Variants in PNISR observed in about 807,000 individuals in gnomAD.
PNISR encodes arginine/serine-rich protein PNISR.
A neutral mutation model predicts 93.4 loss-of-function variants in PNISR; 20 were observed. That is an observed-to-expected ratio of 0.21 (90% CI 0.15 to 0.31). PNISR has a LOEUF of 0.31. Ranked by LOEUF, PNISR falls within the 10% of genes least tolerant of loss-of-function variation. The probability of loss-of-function intolerance (pLI) is 1.00; values close to 1 mark genes in which losing one functional copy is unlikely to be tolerated. For missense variants in PNISR, 893 were observed against 985.4 expected (o/e 0.91, Z 1.25); for synonymous variants, 305 against 306.5 (o/e 0.99, Z 0.05).
chr6:99,404,106 G>T, intron 9 of PNISR: 1 of 511,372 alleles, frequency 2.0e-6, no homozygotes, highest in South Asian at 2.7e-5. Flanking sequence ...AATGTTGACA[G>T]GTATATCTGT....
rs759539357 is a variant in PNISR, at chr6:99,400,465, G to A, written c.*75C>T. ...AAACTGAGTTTATTAAAGAGAGAGA[G>A]AAAGGACACTTTCAACTTTGAATAA... On this transcript the variant is annotated 3_prime_UTR_variant, in exon 12 of 12. Transcript: ENST00000369239. The A allele has an allele frequency of 6.6e-7, 1 of 1,522,618 alleles. No individual in the cohort carries two copies. The highest frequency in any genetic ancestry group is 8.8e-7 in the Non-Finnish European group (1 of 1,139,940). 94.3% of individuals were successfully genotyped at this position (1,522,618 alleles called of 1,614,324 possible). A position where few individuals can be genotyped will look rare whatever the true frequency, so the allele number is the denominator to read the frequency against.
intron 3 of PNISR, among the ~76,000 whole-genome samples, chr6:99,414,302 C>T (rs190848828): frequency 1.7e-3 from 262 of 152,290 alleles, no homozygotes; most frequent in African/African-American, 6.1e-3. Context: ...ATATTTTAGG[C>T]TTTTCTCTTT....
chr6:99,401,108 C>G lies in PNISR; in HGVS notation c.1850G>C (p.Arg617Pro). The G allele has an allele frequency of 6.2e-7, 1 of 1,613,828 alleles. No homozygotes were observed. The highest frequency in any genetic ancestry group is 8.5e-7 in the Non-Finnish European group (1 of 1,179,986). ...ATCCCTTGAGCGACTTCTACTTCTA[C>G]GTCTCTCTCGGGAAGGACTCCGATT... is the stretch of plus-strand genomic sequence containing the variant. ...RRNRSPSRER[R>P]RSRSRSRDRR... Residue 617 changes from arginine (R) to proline (P), a missense_variant, in exon 12 of 12, where the codon CGT (arginine) becomes CCT (proline). Coordinates refer to ENST00000369239, the MANE Select transcript of PNISR (RefSeq NM_032870.4).
intron 2 of PNISR, 62 bp from the exon 3 acceptor site, chr6:99,414,752 T>A (rs1777439821): frequency 1.5e-6 from 1 of 678,444 alleles, no homozygotes; most frequent in African/African-American, 1.9e-5. Context: ...AAACCTCACA[T>A]CAGAAATTAT....
intron 7 of PNISR, among the ~76,000 whole-genome samples, chr6:99,406,387 T>C (rs994506149): frequency 3.9e-5 from 6 of 152,110 alleles, no homozygotes; most frequent in Admixed American, 1.3e-4. Flanking sequence ...GGAAAATAAA[T>C]TGTTTTTTCA....
intron 5 of PNISR, chr6:99,410,525 G>T (rs138696195): frequency 4.5e-4 from 229 of 504,528 alleles, no homozygotes; most frequent in African/African-American, 4.3e-3. Context: ...AAAGTTTTCC[G>T]TAATGATCTT....
Position 99,400,698 on chromosome 6 carries a change from A to G in PNISR, c.2260T>C (p.Ser754Pro), listed in dbSNP as rs1775350270. The G allele has an allele frequency of 6.2e-7, 1 of 1,613,356 alleles. No individual in the cohort carries two copies. The highest frequency in any genetic ancestry group is 8.5e-7 in the Non-Finnish European group (1 of 1,179,828). The change falls in exon 12 of 12, where the codon TCT (serine) becomes CCT (proline). Residue 754 changes from serine to proline, a missense_variant. Ser to Pro is a moderately conservative substitution (Grantham distance 74, BLOSUM62 -1). Around this residue, in one of 3 missense-constraint regions of PNISR, gnomAD observed 866 missense variants for 935.1 expected, o/e 0.93. Coordinates refer to ENST00000369239, the MANE Select transcript of PNISR (RefSeq NM_032870.4). Reference protein sequence around the residue: ...TTKDSKKHSGSDSSGRSSSES... With the variant: ...TTKDSKKHSGPDSSGRSSSES... ...GAACTGCTCCTTCCACTAGAATCAG[A>G]GCCTGAATGTTTTTTACTATCTTTG...
At chr6:99,422,294 T>A (rs893854425) in intron 1 of PNISR, among the ~76,000 whole-genome samples, 3 of 152,200 alleles carry the variant, frequency 2.0e-5, no homozygotes, top group Admixed American at 1.3e-4. Context: ...GAAACACATC[T>A]ATCATTTGAT....
At chr6:99,416,146 T>C (rs950929745) in intron 2 of PNISR, 17 of 360,732 alleles carry the variant, frequency 4.7e-5, no homozygotes, top group Non-Finnish European at 8.4e-5. Context: ...AAGTTAAATA[T>C]ATTTTTTTCT....
Position 99,404,643 on chromosome 6 carries a change from A to G in PNISR, c.1062T>C (p.Ile354=), listed in dbSNP as rs751453063. The G allele has an allele frequency of 1.2e-6, 2 of 1,608,254 alleles. No individual in the cohort carries two copies. Among genetic ancestry groups the G allele is most frequent in the Non-Finnish European group, 1.7e-6 (2 of 1,174,696 alleles). Residue 354 remains isoleucine, a synonymous_variant, in exon 9 of 12, where the codon ATT becomes ATC. Transcript: ENST00000369239. ...EILLDVTDEE[I]YYVAKDAHRK... is the part of the protein sequence containing the mutation. Reference sequence around the variant, plus strand: ...GGTGTGCATCTTTGGCTACGTAATAAATTTCTTCATCTGTGACATCCAGCA... The same window carrying G: ...GGTGTGCATCTTTGGCTACGTAATAGATTTCTTCATCTGTGACATCCAGCA...
At chr6:99,420,558 T>C (rs913091807) in intron 1 of PNISR, among the ~76,000 whole-genome samples, 3 of 152,214 alleles carry the variant, frequency 2.0e-5, no homozygotes, top group Admixed American at 1.3e-4. Flanking sequence ...GTATCTTCAC[T>C]ACTAACAAAT....
intron 5 of PNISR, 76 bp from the exon 6 acceptor site, chr6:99,409,420 T>C (rs888691584): frequency 3.0e-6 from 4 of 1,329,032 alleles, no homozygotes; most frequent in African/African-American, 1.5e-5. Flanking sequence ...TGTTATGAAC[T>C]GGGACAGTAG....
At chr6:99,419,425 G>C (rs1023529922) in intron 1 of PNISR, among the ~76,000 whole-genome samples, 1 of 152,042 alleles carries the variant, frequency 6.6e-6, no homozygotes, top group Non-Finnish European at 1.5e-5. Flanking sequence ...AAATGAATAA[G>C]GTAGACTGCT....
intron 7 of PNISR, 51 bp downstream of exon 7, chr6:99,408,030 T>G: frequency 2.2e-6 from 3 of 1,376,716 alleles, no homozygotes; most frequent in Non-Finnish European, 3.0e-6. Context: ...AGTAAAGTTT[T>G]CACACAACCA....
At chr6:99,424,324 A>C (rs1257094285) in intron 1 of PNISR, among the ~76,000 whole-genome samples, 1 of 152,170 alleles carries the variant, frequency 6.6e-6, no homozygotes, top group African/African-American at 2.4e-5. Flanking sequence ...TCTATTAATA[A>C]GAAGATAAAC....
chr6:99,419,652 A>T (rs1778279379), intron 1 of PNISR, among the ~76,000 whole-genome samples: 1 of 152,118 alleles, frequency 6.6e-6, no homozygotes, highest in Non-Finnish European at 1.5e-5. Context: ...AGTTTGTGTA[A>T]TTTGTACTGC....
intron 2 of PNISR, chr6:99,415,467 CTA>C (rs1053431790): frequency 1.2e-4 from 19 of 152,118 alleles, no homozygotes; most frequent in Admixed American, 1.1e-3. Context: ...ATGTTAATAA[CTA>C]TTAATTTAGG....
At chr6:99,402,844 G>A (rs1212301672) in intron 10 of PNISR, 134 bp from the exon 11 acceptor site, 4 of 594,072 alleles carry the variant, frequency 6.7e-6, no homozygotes, top group African/African-American at 6.1e-5. Context: ...TCGGGGTGGG[G>A]AGAAGTATAC....
rs759443419 is a variant in PNISR at position 99,412,646 on chromosome 6, A to G, written c.182T>C (p.Met61Thr). ...TGTAGACATATCTTGTCCATTTGGC[A>G]TCATTCCTGGTGGTTGTTCTACCAT... ...QSMVEQPPGM[M>T]PNGQDMSTME... The change falls in exon 4 of 12, where the codon ATG (methionine) becomes ACG (threonine). Residue 61 changes from methionine (M) to threonine (T), a missense_variant. Coordinates refer to ENST00000369239, the MANE Select transcript of PNISR (RefSeq NM_032870.4). 1.2e-6 allele frequency: 2 copies of G among 1,612,916 alleles called. No individual in the cohort carries two copies. Among genetic ancestry groups the G allele is most frequent in the Non-Finnish European group, 8.5e-7 (1 of 1,179,344 alleles).
Sources: allele counts gnomAD v4.1 joint callset (sites outside exome capture counted in the v4.1 genomes callset), GRCh38; gene constraint gnomAD v4.1.1; regional missense constraint gnomAD v4.1.1; transcripts MANE v1.5; gene names NCBI Gene and HGNC (gene_info 2026-07-23, HGNC 2026-07-21).